The following TPRG1 variants were observed in gnomAD, a reference collection of about 807,000 sequenced individuals.
The protein encoded by TPRG1 is tumor protein p63 regulated 1.
A neutral mutation model predicts 29.3 loss-of-function variants in TPRG1; 29 were observed. The observed-to-expected ratio is 0.99, with a 90% CI of 0.74 to 1.35. The LOEUF is 1.35. TPRG1 is among the 40% of genes most tolerant of loss of function. The probability of loss-of-function intolerance (pLI) is 0.00; values close to 1 mark genes in which losing one functional copy is unlikely to be tolerated. For synonymous variants in TPRG1, 130 were observed against 116.8 expected (o/e 1.11, Z -0.73); for missense variants, 327 against 335.0 (o/e 0.98, Z 0.19).
chr3:189,274,789 A>G (rs1027781768), intron 4 of TPRG1, among the ~76,000 whole-genome samples: 1 of 152,210 alleles, frequency 6.6e-6, no homozygotes, highest in Admixed American at 6.5e-5. Flanking sequence ...AAGATAATCA[A>G]TTAATTTTGA....
At chr3:189,245,881 G>A (rs1240423585) in intron 4 of TPRG1, among the ~76,000 whole-genome samples, 1 of 151,942 alleles carries the variant, frequency 6.6e-6, no homozygotes, top group East Asian at 1.9e-4. Flanking sequence ...TGTCTTTCTG[G>A]TGAATTGAGC....
intron 4 of TPRG1, among the ~76,000 whole-genome samples, chr3:189,046,115 A>G (rs1714962721): frequency 6.6e-6 from 1 of 152,178 alleles, no homozygotes; most frequent in African/African-American, 2.4e-5. Context: ...ATGAGACAGG[A>G]TATTGGGACC....
intron 4 of TPRG1, among the ~76,000 whole-genome samples, chr3:189,083,916 G>A (rs894327560): frequency 3.9e-5 from 6 of 152,160 alleles, no homozygotes; most frequent in Admixed American, 2.0e-4. Flanking sequence ...GGTGGCTCAC[G>A]CCTGTAATCC....
Position 189,054,890 on chromosome 3 carries a change from C to A in TPRG1, c.-463+30944C>A. ...ATTACAAAAATGTGACACAGAGAAA[C>A]GAAGTAAGCATGTGCTGGTGGAAAG... On this transcript the variant is annotated intron_variant, in intron 4 of 10. Transcript: ENST00000433971. 2.0e-5 allele frequency among the ~76,000 whole-genome samples: 3 copies of A among 152,090 alleles called. 1 individual carries two copies. The highest frequency in any genetic ancestry group is 7.2e-5 in the African/African-American group (3 of 41,498).
At chr3:189,265,672 A>T (rs921528374) in intron 4 of TPRG1, among the ~76,000 whole-genome samples, 2 of 151,908 alleles carry the variant, frequency 1.3e-5, no homozygotes, top group East Asian at 1.9e-4. Flanking sequence ...TGCTTAAAAG[A>T]CTCCTTAAAA....
chr3:189,297,195 G>T (rs574721216), intron 4 of TPRG1, among the ~76,000 whole-genome samples: 101 of 151,902 alleles, frequency 6.6e-4, no homozygotes, highest in Admixed American at 2.2e-3. Flanking sequence ...TGGCCAAGCT[G>T]GTCTCGAACT....
In TPRG1 at chr3:189,262,015, T is replaced by C. The variant is rs536239833; in HGVS notation, c.479+23106T>C. Among the ~76,000 whole-genome samples, 23 of 152,200 alleles carry C rather than the reference T, an allele frequency of 1.5e-4. No homozygotes were observed. In the South Asian group the frequency reaches 4.8e-3, roughly 32 times the overall value. ...TATTGAAGGTTTTTGGGGAGGAGCCTGAAATGATTGACATTTTGCCTCAAA... is the reference window on the plus strand; with the variant it reads ...TATTGAAGGTTTTTGGGGAGGAGCCCGAAATGATTGACATTTTGCCTCAAA... On this transcript the variant is annotated intron_variant, in intron 4 of 5. Coordinates refer to ENST00000345063, the MANE Select transcript of TPRG1 (RefSeq NM_198485.4).
intron 3 of TPRG1, among the ~76,000 whole-genome samples, chr3:189,137,296 ATGTGTGTGTGTGTGTGTGTG>A (rs10525363): frequency 3.5e-4 from 46 of 129,904 alleles, no homozygotes; most frequent in Middle Eastern, 8.3e-3. Context: ...AAACCCCAAA[ATGTGTGTGTGTGTGTGTGTG>A]TGTGTGTGTG....
At chr3:189,171,000 A>G (rs571800249), upstream of TPRG1, among the ~76,000 whole-genome samples, 1 of 152,258 alleles carries the variant, frequency 6.6e-6, no homozygotes, top group East Asian at 1.9e-4. Context: ...TTGAAATTCA[A>G]TCATACACAT....
intron 4 of TPRG1, among the ~76,000 whole-genome samples, chr3:189,257,881 G>A (rs1712190440): frequency 6.6e-6 from 1 of 152,182 alleles, no homozygotes; most frequent in African/African-American, 2.4e-5. Flanking sequence ...AAACTGGTTA[G>A]TCTAGTTAGC....
intron 1 of TPRG1, among the ~76,000 whole-genome samples, chr3:189,115,885 T>A (rs1021389846): frequency 6.6e-5 from 10 of 152,140 alleles, no homozygotes; most frequent in East Asian, 5.8e-4. Context: ...TTAAAAAAAA[T>A]TCCTTTTACA....
intron 1 of TPRG1, among the ~76,000 whole-genome samples, chr3:189,203,760 G>A (rs1460476348): frequency 6.6e-6 from 1 of 152,156 alleles, no homozygotes; most frequent in African/African-American, 2.4e-5. Flanking sequence ...TATGAACATT[G>A]GCTGGGCAAG....
chr3:189,300,762 G>A (rs1720699892), intron 4 of TPRG1, among the ~76,000 whole-genome samples: 1 of 152,130 alleles, frequency 6.6e-6, no homozygotes, highest in East Asian at 1.9e-4. Context: ...GGCAACTTCT[G>A]CCAGCAATGC....
At chr3:189,052,048 G>A (rs7651289) in intron 4 of TPRG1, among the ~76,000 whole-genome samples, 13,853 of 152,242 alleles carry the variant, frequency 0.091, 940 homozygotes, top group African/African-American at 0.19. Flanking sequence ...AGGATTTCAT[G>A]ACCAAGAACC....
intron 4 of TPRG1, among the ~76,000 whole-genome samples, chr3:189,276,033 G>C (rs1047873025): frequency 2.6e-5 from 4 of 152,076 alleles, no homozygotes; most frequent in Admixed American, 6.5e-5. Context: ...GGTTGGTTAA[G>C]GGCTTTCTAG....
At chr3:189,105,390 G>A (rs1432552771) in intron 1 of TPRG1, among the ~76,000 whole-genome samples, 1 of 151,998 alleles carries the variant, frequency 6.6e-6, no homozygotes, top group African/African-American at 2.4e-5. Context: ...ACTTCCAGAG[G>A]AATATCCATT....
chr3:189,289,378 C>T (rs997692994), intron 4 of TPRG1, among the ~76,000 whole-genome samples: 8 of 151,916 alleles, frequency 5.3e-5, no homozygotes, highest in African/African-American at 1.9e-4. Context: ...TCTTTCTGTT[C>T]CTACTGTCAT....
At chr3:189,075,924 C>T (rs1157257621) in intron 4 of TPRG1, among the ~76,000 whole-genome samples, 2 of 152,230 alleles carry the variant, frequency 1.3e-5, no homozygotes, top group Non-Finnish European at 2.9e-5. Context: ...CTTCTGGTTT[C>T]TCTCTCCAAA....
intron 2 of TPRG1, among the ~76,000 whole-genome samples, chr3:189,003,020 G>A (rs186388437): frequency 2.0e-5 from 3 of 152,068 alleles, no homozygotes; most frequent in South Asian, 2.1e-4. Flanking sequence ...AATGGCTTCC[G>A]AGTCTTCTAA....
Sources: allele counts gnomAD v4.1 joint callset (sites outside exome capture counted in the v4.1 genomes callset), GRCh38; gene constraint gnomAD v4.1.1; transcripts MANE v1.5; gene names NCBI Gene and HGNC (gene_info 2026-07-23, HGNC 2026-07-21).